Variants in ATL2 observed in about 807,000 individuals in gnomAD.
ATL2 encodes atlastin GTPase 2.
Under a neutral mutation model 73.9 loss-of-function variants are expected in ATL2, and 31 were observed. The observed-to-expected ratio is 0.42, with a 90% confidence interval of 0.32 to 0.57. The LOEUF is 0.57. Among genes scored for constraint, ATL2 ranks in the 20% least tolerant of loss-of-function variants. ATL2 has a pLI of 0.14. For synonymous variants in ATL2, 291 were observed against 237.5 expected, an observed-to-expected ratio of 1.23 and a Z score of -2.07; for missense variants, 738 against 702.6, an observed-to-expected ratio of 1.05 and a Z score of -0.57.
At chr2:38,305,871 AAC>A (rs1231248643) in intron 9 of ATL2, among the ~76,000 whole-genome samples, 4 of 152,174 alleles carry the variant, frequency 2.6e-5, no homozygotes, top group African/African-American at 9.6e-5. Context: ...ATCTTAAAAA[AAC>A]AGAAAAGGAA....
intron 2 of ATL2, among the ~76,000 whole-genome samples, chr2:38,342,115 T>G (rs1669756441): frequency 1.3e-5 from 2 of 152,148 alleles, no homozygotes. Context: ...TGAAAAAATT[T>G]TTTTTGCTTT....
intron 9 of ATL2, among the ~76,000 whole-genome samples, chr2:38,301,276 A>T (rs1667176790): frequency 6.6e-6 from 1 of 152,178 alleles, no homozygotes; most frequent in Non-Finnish European, 1.5e-5. Flanking sequence ...GGCTCATCTC[A>T]ACTTTCCACT....
chr2:38,350,460 G>T (rs535306528), intron 1 of ATL2, among the ~76,000 whole-genome samples: 33 of 152,278 alleles, frequency 2.2e-4, no homozygotes, highest in African/African-American at 5.3e-4. Flanking sequence ...AGGGAGGGAT[G>T]AACAGGCATA....
At chr2:38,350,243 A>G (rs572369156) in intron 1 of ATL2, among the ~76,000 whole-genome samples, 11 of 152,322 alleles carry the variant, frequency 7.2e-5, no homozygotes, top group African/African-American at 2.6e-4. Flanking sequence ...TGTGATTCAC[A>G]GTTCCAAGTC....
At chr2:38,357,891 A>G (rs58824550) in intron 1 of ATL2, among the ~76,000 whole-genome samples, 18,556 of 151,962 alleles carry the variant, frequency 0.12, 3,343 homozygotes, top group African/African-American at 0.4. Flanking sequence ...AGCCCAATTT[A>G]CTCATTTTAA....
chr2:38,350,147 C>T (rs1670256723), intron 1 of ATL2, among the ~76,000 whole-genome samples: 1 of 152,128 alleles, frequency 6.6e-6, no homozygotes. Context: ...AAGTTACGTC[C>T]TGTGTATAGA....
At chr2:38,349,717 G>A (rs1670234134) in intron 1 of ATL2, among the ~76,000 whole-genome samples, 1 of 151,772 alleles carries the variant, frequency 6.6e-6, no homozygotes, top group Non-Finnish European at 1.5e-5. Context: ...CCACTGGGCA[G>A]AAAACCTTTG....
At chr2:38,329,781 G>C (rs1379318591) in intron 2 of ATL2, among the ~76,000 whole-genome samples, 1 of 152,042 alleles carries the variant, frequency 6.6e-6, no homozygotes, top group East Asian at 1.9e-4. Context: ...GGAATGCAAG[G>C]CTGGCTCAAC....
chr2:38,300,095 T>C (rs779111671), intron 10 of ATL2, among the ~76,000 whole-genome samples, 177 bp downstream of exon 10: 5 of 152,028 alleles, frequency 3.3e-5, no homozygotes, highest in Non-Finnish European at 7.4e-5. Context: ...CAATCTGCAG[T>C]TACAAAAAAA....
chr2:38,306,525 G>T lies in ATL2; in HGVS notation c.1071+2854C>A, dbSNP rs1379831043. 6.6e-5 allele frequency among the ~76,000 whole-genome samples: 10 copies of T among 152,162 alleles called. No homozygotes were observed. In the East Asian group the frequency reaches 1.9e-3, roughly 29 times the overall value. ...ACTGAATTCAACAACACATTAAAAAGATCATTCATCATCACCTAGGGTCAG... is the reference window on the plus strand; with the variant it reads ...ACTGAATTCAACAACACATTAAAAATATCATTCATCATCACCTAGGGTCAG... On this transcript the variant is annotated intron_variant, in intron 9 of 12. Transcript: ENST00000378954.
intron 2 of ATL2, among the ~76,000 whole-genome samples, chr2:38,323,889 C>A (rs1197415543): frequency 6.6e-6 from 1 of 152,130 alleles, no homozygotes; most frequent in Non-Finnish European, 1.5e-5. Flanking sequence ...CAAGCTGACT[C>A]CCTTTCACAA....
At chr2:38,312,310 T>G (rs1455727684) in intron 7 of ATL2, among the ~76,000 whole-genome samples, 1 of 152,036 alleles carries the variant, frequency 6.6e-6, no homozygotes, top group Non-Finnish European at 1.5e-5. Context: ...GGAGCAGAAA[T>G]CCCCCTTGCT....
intron 1 of ATL2, among the ~76,000 whole-genome samples, chr2:38,346,467 G>C (rs1240361435): frequency 6.6e-6 from 1 of 152,044 alleles, no homozygotes; most frequent in Non-Finnish European, 1.5e-5. Context: ...GCCTCTTTTG[G>C]TGCTATTCTT....
intron 2 of ATL2, among the ~76,000 whole-genome samples, chr2:38,329,046 A>T (rs923413365): frequency 6.6e-6 from 1 of 150,816 alleles, no homozygotes; most frequent in African/African-American, 2.4e-5. Flanking sequence ...CCACAAAGTT[A>T]GTAACTTAGT....
intron 4 of ATL2, among the ~76,000 whole-genome samples, chr2:38,318,132 C>T (rs1295692154): frequency 6.6e-6 from 1 of 152,104 alleles, no homozygotes; most frequent in Non-Finnish European, 1.5e-5. Flanking sequence ...TGCACTCCAA[C>T]CTGGGCAACA....
chr2:38,331,210 G>A lies in ATL2; in HGVS notation c.363+12058C>T, dbSNP rs144032811. On this transcript the variant is annotated intron_variant, in intron 2 of 12. Coordinates refer to ENST00000378954, the MANE Select transcript of ATL2 (RefSeq NM_001135673.4). ...ATCACTTTGGGAGGCCGAGGTGGGCGGATCACGAGGTCAAGAGATGGAGAC... is the reference window on the plus strand; with the variant it reads ...ATCACTTTGGGAGGCCGAGGTGGGCAGATCACGAGGTCAAGAGATGGAGAC... 2.2e-3 allele frequency among the ~76,000 whole-genome samples: 327 copies of A among 152,002 alleles called. 3 individuals carry two copies. Among genetic ancestry groups the A allele is most frequent in the African/African-American group, 7.3e-3 (301 of 41,464 alleles).
rs1327730711 is a variant in ATL2 at position 38,313,080 on chromosome 2, G to C, written c.804+71C>G. The stretch of plus-strand genomic sequence containing the variant: ...CACGTAAATACTGGTAATGTGACCA[G>C]CAGTCCGGACAGCCCACCCGTTTGC... On this transcript the variant is annotated intron_variant, in intron 7 of 12. Transcript: ENST00000378954. 5 of 1,014,214 alleles carry C rather than the reference G, an allele frequency of 4.9e-6. No homozygotes were observed. In the Admixed American group the frequency reaches 1.1e-4, roughly 22 times the overall value. 62.8% of individuals were successfully genotyped at this position (1,014,214 alleles called of 1,614,324 possible).
chr2:38,362,579 C>G (rs1333501047), intron 1 of ATL2, among the ~76,000 whole-genome samples: 2 of 152,192 alleles, frequency 1.3e-5, no homozygotes, highest in Non-Finnish European at 2.9e-5. Context: ...ACCCCACTAA[C>G]CAGCACCATG....
intron 2 of ATL2, among the ~76,000 whole-genome samples, chr2:38,331,104 C>T (rs558701287): frequency 6.6e-6 from 1 of 151,974 alleles, no homozygotes; most frequent in Non-Finnish European, 1.5e-5. Flanking sequence ...CGAGACAAAC[C>T]TGGGCAACAC....
Sources: gnomAD v4.1 joint callset for allele counts (sites outside exome capture counted in the v4.1 genomes callset) on GRCh38, gnomAD v4.1.1 for gene constraint, MANE v1.5 for transcripts, NCBI Gene and HGNC (gene_info 2026-07-23, HGNC 2026-07-21) for gene names.